The following COL25A1 variants were observed in gnomAD, a reference collection of about 807,000 sequenced individuals.
The protein encoded by COL25A1 is collagen alpha-1(XXV) chain.
A neutral mutation model predicts 128.4 loss-of-function variants in COL25A1; 103 were observed. That is an observed-to-expected ratio of 0.80 (90% confidence interval 0.68 to 0.94). The LOEUF is 0.94. Among genes scored for constraint, COL25A1 ranks in the 40% least tolerant of loss-of-function variants. The probability of loss-of-function intolerance (pLI) is 0.00; values close to 1 mark genes in which losing one functional copy is unlikely to be tolerated. For synonymous variants in COL25A1, 279 were observed against 277.2 expected, an observed-to-expected ratio of 1.01 and a Z score of -0.06; for missense variants, 745 against 840.0, an observed-to-expected ratio of 0.89 and a Z score of 1.40.
At chr4:109,100,896 C>T (rs558060216) in intron 3 of COL25A1, among the ~76,000 whole-genome samples, 2 of 152,250 alleles carry the variant, frequency 1.3e-5, no homozygotes, top group East Asian at 3.9e-4. Flanking sequence ...GAAAGGTAGA[C>T]ATTCAGGCAG....
intron 3 of COL25A1, among the ~76,000 whole-genome samples, chr4:109,212,323 C>A (rs1413759766): frequency 6.6e-6 from 1 of 152,116 alleles, no homozygotes; most frequent in Non-Finnish European, 1.5e-5. Context: ...GCAGCTAATG[C>A]TAGCTATCAG....
At chr4:109,192,689 T>C (rs1400727692) in intron 3 of COL25A1, among the ~76,000 whole-genome samples, 2 of 151,812 alleles carry the variant, frequency 1.3e-5, no homozygotes, top group Non-Finnish European at 2.9e-5. Context: ...CTGTCTCTAT[T>C]AAAATTACAA....
intron 31 of COL25A1, among the ~76,000 whole-genome samples, chr4:108,837,679 C>T (rs1017828853): frequency 1.3e-5 from 2 of 152,154 alleles, no homozygotes; most frequent in Non-Finnish European, 2.9e-5. Context: ...CAATTCCATA[C>T]CTGCCACCAA....
At chr4:109,192,966 A>G (rs2126165443) in intron 3 of COL25A1, among the ~76,000 whole-genome samples, 1 of 152,298 alleles carries the variant, frequency 6.6e-6, no homozygotes, top group African/African-American at 2.4e-5. Flanking sequence ...AAAAGATATC[A>G]GAAGAAACCA....
At position 109,091,432 on chromosome 4, in the gene COL25A1, A is replaced by G. The variant is rs1323691697; in HGVS notation, c.368-41253T>C. On this transcript the variant is annotated intron_variant, in intron 3 of 37. Transcript: ENST00000399132. ...AACCACGACAACAATTGTCTATACA[A>G]TTTAATTCTCAATTATCATGCATTT... Among the ~76,000 whole-genome samples the G allele has an allele frequency of 2.0e-5, 3 of 152,170 alleles. No homozygotes were observed. The East Asian group carries it at 5.8e-4, about 29-fold the overall frequency.
intron 3 of COL25A1, among the ~76,000 whole-genome samples, chr4:109,094,316 T>C (rs1233066767): frequency 6.6e-6 from 1 of 152,194 alleles, no homozygotes; most frequent in Non-Finnish European, 1.5e-5. Flanking sequence ...GAACTAAGGT[T>C]TCACAAGGCA....
intron 8 of COL25A1, among the ~76,000 whole-genome samples, chr4:108,961,413 T>C (rs1750660001): frequency 2.0e-5 from 3 of 152,254 alleles, no homozygotes; most frequent in Admixed American, 2.0e-4. Flanking sequence ...AAGTGTTTGA[T>C]AATTCTTAAT....
chr4:109,047,383 C>T (rs1760527440), intron 5 of COL25A1, among the ~76,000 whole-genome samples: 2 of 152,006 alleles, frequency 1.3e-5, no homozygotes, highest in Non-Finnish European at 1.5e-5. Context: ...CAAAAATAAA[C>T]GTTTTTCATC....
At chr4:108,961,402 C>A (rs1273809520) in intron 8 of COL25A1, among the ~76,000 whole-genome samples, 1 of 152,090 alleles carries the variant, frequency 6.6e-6, no homozygotes, top group African/African-American at 2.4e-5. Flanking sequence ...CTATAAAAGG[C>A]AAGTGTTTGA....
At chr4:108,831,768 T>C (rs1733149785) in intron 32 of COL25A1, among the ~76,000 whole-genome samples, 1 of 151,958 alleles carries the variant, frequency 6.6e-6, no homozygotes. Context: ...GATGACCATT[T>C]ATCTTCCATT....
At chr4:109,223,391 C>G (rs1275916529) in intron 3 of COL25A1, among the ~76,000 whole-genome samples, 1 of 151,750 alleles carries the variant, frequency 6.6e-6, no homozygotes, top group African/African-American at 2.4e-5. Flanking sequence ...TTATTATATT[C>G]CACATTTCCC....
chr4:109,302,170 C>A lies in COL25A1; in HGVS notation c.-58G>T. On this transcript the variant is annotated splice_region_variant and 5_prime_UTR_variant, in exon 1 of 38. Transcript: ENST00000399132. ...TCAAGCCCACGAGCGGATACGGACC[C>A]CTGCCTTGCTCAGCGTCCAGACCCG... 4.1e-6 allele frequency: 4 copies of A among 979,804 alleles called. No homozygotes were observed. The highest frequency in any genetic ancestry group is 5.8e-6 in the Non-Finnish European group (4 of 688,102). 60.7% of individuals were successfully genotyped at this position (979,804 alleles called of 1,614,324 possible). A position where few individuals can be genotyped will look rare whatever the true frequency, so the allele number is the denominator to read the frequency against.
intron 3 of COL25A1, among the ~76,000 whole-genome samples, chr4:109,122,738 C>T (rs1768218855): frequency 6.6e-6 from 1 of 152,042 alleles, no homozygotes; most frequent in South Asian, 2.1e-4. Flanking sequence ...CAGAAAGACA[C>T]ATGTAAGCAT....
chr4:108,884,349 C>A (rs1319249400), intron 18 of COL25A1, 127 bp from the exon 19 acceptor site: 2 of 835,018 alleles, frequency 2.4e-6, no homozygotes, highest in Middle Eastern at 2.3e-4. Flanking sequence ...CGTCTACTTT[C>A]AAAAACTTTG....
chr4:108,975,266 C>T (rs1156571198), intron 6 of COL25A1, among the ~76,000 whole-genome samples: 1 of 152,176 alleles, frequency 6.6e-6, no homozygotes, highest in Non-Finnish European at 1.5e-5. Context: ...ACCAGCCTGG[C>T]CAACATGGTT....
chr4:109,201,253 A>T (rs1389192332), intron 3 of COL25A1, among the ~76,000 whole-genome samples: 5 of 152,204 alleles, frequency 3.3e-5, no homozygotes, highest in Non-Finnish European at 5.9e-5. Context: ...AGTTTAATAG[A>T]AAATCAAATC....
intron 3 of COL25A1, among the ~76,000 whole-genome samples, chr4:109,241,769 C>T (rs1156746986): frequency 6.6e-6 from 1 of 152,038 alleles, no homozygotes; most frequent in African/African-American, 2.4e-5. Flanking sequence ...ATTTACAACA[C>T]AGGAAACATT....
intron 3 of COL25A1, among the ~76,000 whole-genome samples, chr4:109,224,970 GCA>G (rs1201223340): frequency 6.6e-6 from 1 of 151,962 alleles, no homozygotes; most frequent in African/African-American, 2.4e-5. Context: ...ATCTATACAA[GCA>G]TACATACAAA....
chr4:109,063,059 AG>A (rs1239144258), intron 3 of COL25A1, among the ~76,000 whole-genome samples: 1 of 152,206 alleles, frequency 6.6e-6, no homozygotes, highest in Non-Finnish European at 1.5e-5. Flanking sequence ...GAGAGATGCA[AG>A]GCCTAAAACA....
Sources: allele counts gnomAD v4.1 joint callset (sites outside exome capture counted in the v4.1 genomes callset), GRCh38; gene constraint gnomAD v4.1.1; transcripts MANE v1.5; gene names NCBI Gene and HGNC (gene_info 2026-07-23, HGNC 2026-07-21).